FAR1: variants seen among roughly 807,000 people sequenced by gnomAD.
FAR1 encodes the protein fatty acyl-CoA reductase 1, also known as male sterility domain-containing protein 2.
FAR1 carries 22 observed loss-of-function variants against 61.1 expected under a neutral mutation model. That is an observed-to-expected ratio of 0.36 (90% CI 0.26 to 0.51). FAR1 has a LOEUF of 0.51. Ranked by LOEUF, FAR1 falls within the 20% of genes least tolerant of loss-of-function variation. The pLI, the probability that FAR1 is intolerant of heterozygous loss-of-function variation, is 0.95. For missense variants in FAR1, 359 were observed against 626.9 expected (o/e 0.57, Z 4.56); for synonymous variants, 206 against 209.7 (o/e 0.98, Z 0.15).
At chr11:13,726,617 G>A (rs1848668654) in intron 10 of FAR1, among the ~76,000 whole-genome samples, 1 of 151,654 alleles carries the variant, frequency 6.6e-6, no homozygotes, top group South Asian at 2.1e-4. Context: ...GATGTGTGTG[G>A]GGGCAGGGAT....
chr11:13,700,886 T>C (rs1290646984), intron 3 of FAR1, among the ~76,000 whole-genome samples: 2 of 152,136 alleles, frequency 1.3e-5, no homozygotes, highest in African/African-American at 2.4e-5. Flanking sequence ...GCTCAGGTTT[T>C]ACAGGATAAG....
At chr11:13,697,069 T>A (rs1025403991) in intron 2 of FAR1, among the ~76,000 whole-genome samples, 1 of 152,140 alleles carries the variant, frequency 6.6e-6, no homozygotes, top group Non-Finnish European at 1.5e-5. Context: ...TCACCAAATG[T>A]CTGTTGGGGA....
At position 13,730,809 on chromosome 11, in the gene FAR1, A is replaced by G. The variant is rs1042345747; in HGVS notation, c.*2035A>G. 1.3e-5 allele frequency: 2 copies of G among 152,114 alleles called. No homozygotes were observed. The highest frequency in any genetic ancestry group is 2.9e-5 in the Non-Finnish European group (2 of 67,986). 9.4% of individuals were successfully genotyped at this position (152,114 alleles called of 1,614,324 possible). A position where few individuals can be genotyped will look rare whatever the true frequency, so the allele number is the denominator to read the frequency against. On this transcript the variant is annotated 3_prime_UTR_variant, in exon 12 of 12. Coordinates refer to ENST00000354817, the MANE Select transcript of FAR1 (RefSeq NM_032228.6). ...GGAGGGTGCTGAGGCCACTCACTGC[A>G]TTAATTTTGTGTGTTTAGAGTTCTG...
chr11:13,697,828 G>T (rs964696408), intron 2 of FAR1, among the ~76,000 whole-genome samples: 4 of 152,068 alleles, frequency 2.6e-5, no homozygotes, highest in South Asian at 4.1e-4. Flanking sequence ...GCCCCATAAG[G>T]ATTGATATTC....
intron 8 of FAR1, 63 bp from the exon 9 acceptor site, chr11:13,714,446 T>C (rs1848533350): frequency 6.8e-7 from 1 of 1,468,804 alleles, no homozygotes; most frequent in Admixed American, 2.4e-5. Context: ...AACATGATTT[T>C]TTTTTTTCAA....
At chr11:13,670,946 A>G (rs1215416443) in intron 1 of FAR1, among the ~76,000 whole-genome samples, 2 of 152,232 alleles carry the variant, frequency 1.3e-5, no homozygotes, top group Non-Finnish European at 2.9e-5. Context: ...GAAGAGTTAT[A>G]GAGTCAAGGA....
At chr11:13,699,601 CA>C (rs1262907923) in intron 2 of FAR1, among the ~76,000 whole-genome samples, 1 of 152,120 alleles carries the variant, frequency 6.6e-6, no homozygotes, top group Non-Finnish European at 1.5e-5. Flanking sequence ...GTTTCTCTGT[CA>C]AATCTGGGAT....
intron 10 of FAR1, among the ~76,000 whole-genome samples, chr11:13,726,019 G>C (rs1403122774): frequency 6.6e-6 from 1 of 151,446 alleles, no homozygotes; most frequent in Non-Finnish European, 1.5e-5. Flanking sequence ...TGGTTTAGTA[G>C]GTTACTCTAG....
intron 1 of FAR1, among the ~76,000 whole-genome samples, chr11:13,672,125 T>C (rs972723245): frequency 2.6e-5 from 4 of 152,132 alleles, no homozygotes; most frequent in Non-Finnish European, 4.4e-5. Flanking sequence ...AATGAAGATA[T>C]TAATGTTTGG....
At chr11:13,722,708 C>T (rs185044496) in intron 10 of FAR1, among the ~76,000 whole-genome samples, 6 of 152,112 alleles carry the variant, frequency 3.9e-5, no homozygotes, top group Non-Finnish European at 5.9e-5. Context: ...AACTCCTGAC[C>T]TCAGGTGATC....
chr11:13,709,741 T>C (rs575862964), intron 4 of FAR1, among the ~76,000 whole-genome samples: 1 of 152,220 alleles, frequency 6.6e-6, no homozygotes, highest in South Asian at 2.1e-4. Flanking sequence ...TCCTTTCATA[T>C]ACAAAAAGTA....
chr11:13,716,712 A>G (rs1437753028), intron 9 of FAR1, among the ~76,000 whole-genome samples: 2 of 152,140 alleles, frequency 1.3e-5, no homozygotes, highest in Non-Finnish European at 2.9e-5. Context: ...CTTTTGCCTC[A>G]TTCTTCTAGT....
rs185573421 is a variant in FAR1, at chr11:13,682,585, A to C, written c.-7-12174A>C. Reference sequence around the variant, plus strand: ...CAGCTCCTGGTTTAGACTGTTTCTTAGAAGTTGATTATCCTTTTTACTTTT... The same window carrying C: ...CAGCTCCTGGTTTAGACTGTTTCTTCGAAGTTGATTATCCTTTTTACTTTT... On this transcript the variant is annotated intron_variant, in intron 1 of 11. Transcript: ENST00000354817. Among the ~76,000 whole-genome samples, 15 of 152,278 alleles carry C rather than the reference A, an allele frequency of 9.9e-5. No homozygotes were observed. The East Asian group carries it at 2.9e-3, about 29-fold the overall frequency.
At chr11:13,718,437 C>T (rs2134196957) in intron 9 of FAR1, among the ~76,000 whole-genome samples, 1 of 152,300 alleles carries the variant, frequency 6.6e-6, no homozygotes, top group South Asian at 2.1e-4. Flanking sequence ...GTTGTCCTCA[C>T]TTCAAGCCCT....
chr11:13,672,739 G>T (rs1456948994), intron 1 of FAR1, among the ~76,000 whole-genome samples: 2 of 152,112 alleles, frequency 1.3e-5, no homozygotes, highest in African/African-American at 4.8e-5. Flanking sequence ...TGACTGGATT[G>T]TCACTGATGG....
At chr11:13,669,819 G>A (rs909250391) in intron 1 of FAR1, among the ~76,000 whole-genome samples, 5 of 152,002 alleles carry the variant, frequency 3.3e-5, no homozygotes, top group South Asian at 4.1e-4. Context: ...TCCCTCCGAA[G>A]TAATGGCATA....
rs182331213 is a variant in FAR1, at chr11:13,730,239, C to G, written c.*1465C>G. ...AGCTTTACATCTTAACTTTCTTTGTCAATTTAAATGCAATGTATAAAAAGT... is the reference window on the plus strand; with the variant it reads ...AGCTTTACATCTTAACTTTCTTTGTGAATTTAAATGCAATGTATAAAAAGT... On this transcript the variant is annotated 3_prime_UTR_variant, in exon 12 of 12. Transcript: ENST00000354817. 2.3e-3 allele frequency: 348 copies of G among 151,948 alleles called. 1 individual carries two copies. The highest frequency in any genetic ancestry group is 4.1e-3 in the Non-Finnish European group (275 of 67,732). The allele number at this position is 151,948 out of a possible 1,614,324, so 9.4% of individuals were successfully genotyped here.
chr11:13,680,650 CTT>C (rs2134170042), intron 1 of FAR1, among the ~76,000 whole-genome samples: 1 of 152,200 alleles, frequency 6.6e-6, no homozygotes, highest in African/African-American at 2.4e-5. Flanking sequence ...CTGCCAGTCT[CTT>C]TTCAACAGCC....
intron 10 of FAR1, among the ~76,000 whole-genome samples, chr11:13,726,535 G>C (rs559257391): frequency 7.9e-5 from 12 of 152,000 alleles, no homozygotes; most frequent in Non-Finnish European, 1.6e-4. Flanking sequence ...CTGTTGAGAA[G>C]TCAACTTACA....
Sources: allele counts gnomAD v4.1 joint callset (sites outside exome capture counted in the v4.1 genomes callset), GRCh38; gene constraint gnomAD v4.1.1; transcripts MANE v1.5; gene names NCBI Gene and HGNC (gene_info 2026-07-23, HGNC 2026-07-21).